ESRRG: variants seen among roughly 807,000 people sequenced by gnomAD.
ESRRG encodes the protein estrogen-related receptor gamma.
ESRRG carries 13 observed loss-of-function variants against 44.0 expected under a neutral mutation model. The observed-to-expected ratio is 0.30, with a 90% CI of 0.19 to 0.47. ESRRG has a LOEUF of 0.47. Among genes scored for constraint, ESRRG ranks in the 20% least tolerant of loss-of-function variants. The pLI is 1.00. For synonymous variants in ESRRG, 215 were observed against 214.6 expected (o/e 1.00, Z -0.02); for missense variants, 395 against 580.6 (o/e 0.68, Z 3.29).
chr1:216,972,962 C>T lies in ESRRG; in HGVS notation c.-105-33289G>A, dbSNP rs12095308. Among the ~76,000 whole-genome samples the T allele has an allele frequency of 3.4e-3, 517 of 152,238 alleles. 3 individuals carry two copies. Among genetic ancestry groups the T allele is most frequent in the African/African-American group, 0.012 (496 of 41,530 alleles). On this transcript the variant is annotated intron_variant, in intron 1 of 7. Transcript: ENST00000359162. The stretch of plus-strand genomic sequence containing the variant: ...CTCTTTTACCCTACATCTAAACCAT[C>T]GCCAGATCCTGTTGGCACTACCTTT...
rs2090973845 is a variant in ESRRG at position 216,743,211 on chromosome 1, A to T, written c.-13-65720T>A. On this transcript the variant is annotated intron_variant, in intron 2 of 7. Coordinates refer to the ESRRG transcript ENST00000359162. ...CTTTTCAACAATAGCATACAATGGA[A>T]ATGTATTTATTTGCTAAGCCTGAGA... Among the ~76,000 whole-genome samples, 4 of 152,280 alleles carry T rather than the reference A, an allele frequency of 2.6e-5. No homozygotes were observed. The South Asian group carries it at 8.3e-4, about 32-fold the overall frequency.
intron 2 of ESRRG, among the ~76,000 whole-genome samples, chr1:216,828,452 G>A (rs1483378025): frequency 1.3e-5 from 2 of 152,248 alleles, no homozygotes; most frequent in Admixed American, 1.3e-4. Context: ...GCCTGGTGGA[G>A]ATGCCAACAG....
chr1:216,744,704 G>C (rs1016126147), intron 2 of ESRRG, among the ~76,000 whole-genome samples: 8 of 152,120 alleles, frequency 5.3e-5, no homozygotes, highest in Non-Finnish European at 1.0e-4. Context: ...TTACCTATGA[G>C]TAGTCTCTTT....
intron 1 of ESRRG, among the ~76,000 whole-genome samples, chr1:216,974,272 G>A (rs1302725296): frequency 6.6e-6 from 1 of 152,114 alleles, no homozygotes; most frequent in East Asian, 1.9e-4. Context: ...TGAAGTGACA[G>A]ACATCCCAAT....
At chr1:216,976,669 G>C (rs1259390075) in intron 1 of ESRRG, among the ~76,000 whole-genome samples, 1 of 152,054 alleles carries the variant, frequency 6.6e-6, no homozygotes, top group African/African-American at 2.4e-5. Context: ...AGCAATGGTA[G>C]CAATTTTTAT....
intron 5 of ESRRG, among the ~76,000 whole-genome samples, chr1:216,533,199 C>T (rs11117611): frequency 0.3 from 45,878 of 151,732 alleles, 7,400 homozygotes; most frequent in Non-Finnish European, 0.36. Flanking sequence ...TTAAATGTAG[C>T]AAATTCCTAG....
intron 1 of ESRRG, among the ~76,000 whole-genome samples, chr1:217,136,656 T>G (rs1187737544): frequency 2.0e-5 from 3 of 152,328 alleles, no homozygotes; most frequent in African/African-American, 7.2e-5. Context: ...CTGAGATTCC[T>G]GAACACAACT....
At chr1:216,590,739 A>C (rs917408641) in intron 3 of ESRRG, among the ~76,000 whole-genome samples, 17 of 152,204 alleles carry the variant, frequency 1.1e-4, no homozygotes, top group African/African-American at 4.1e-4. Context: ...GTAATCAACT[A>C]CAAACCCGGT....
At chr1:217,125,989 C>T (rs1043814458) in intron 1 of ESRRG, among the ~76,000 whole-genome samples, 2 of 152,134 alleles carry the variant, frequency 1.3e-5, no homozygotes, top group Admixed American at 1.3e-4. Context: ...ACATTTTACA[C>T]AAATAACCCA....
chr1:216,700,079 T>C (rs905243358), intron 1 of ESRRG, among the ~76,000 whole-genome samples: 10 of 151,640 alleles, frequency 6.6e-5, no homozygotes, highest in African/African-American at 2.4e-4. Flanking sequence ...CAACATCTAC[T>C]ACCTCATCTC....
chr1:216,821,791 A>G (rs930660355), intron 2 of ESRRG, among the ~76,000 whole-genome samples: 3 of 151,628 alleles, frequency 2.0e-5, no homozygotes, highest in Non-Finnish European at 4.4e-5. Flanking sequence ...TTTAAAAATG[A>G]AATTTCCTTA....
chr1:216,713,620 C>A (rs2084130540), intron 1 of ESRRG, among the ~76,000 whole-genome samples: 1 of 152,164 alleles, frequency 6.6e-6, no homozygotes, highest in Non-Finnish European at 1.5e-5. Context: ...AGAGAATGTA[C>A]AGCAGAGACG....
At position 216,569,190 on chromosome 1, in the gene ESRRG, G is replaced by GGGAAGGGAGAGGAAA. The variant is rs1553356429; in HGVS notation, c.590-1093_590-1092insTTTCCTCTCCCTTCC. On this transcript the variant is annotated intron_variant, in intron 3 of 6. Coordinates refer to ENST00000408911, the MANE Select transcript of ESRRG (RefSeq NM_001438.4). ...GGGAAGGGAAGGGAAGGGAAGGGAA[G>GGGAAGGGAGAGGAAA]GGAAAGGAAAGGAAAGGAAAGGAAA... 4.6e-4 allele frequency among the ~76,000 whole-genome samples: 25 copies of GGGAAGGGAGAGGAAA among 53,876 alleles called. 1 individual carries two copies. The highest frequency in any genetic ancestry group is 2.9e-3 in the African/African-American group (25 of 8,598). 35.3% of individuals were successfully genotyped at this position (53,876 alleles called of 152,430 possible). A position where few individuals can be genotyped will look rare whatever the true frequency, so the allele number is the denominator to read the frequency against.
At chr1:216,517,100 T>C (rs746204817) in intron 6 of ESRRG, among the ~76,000 whole-genome samples, 60 of 152,298 alleles carry the variant, frequency 3.9e-4, no homozygotes, top group Middle Eastern at 3.4e-3. Flanking sequence ...AATGATGGAA[T>C]CACCTGCAAG....
At chr1:217,100,566 T>A (rs830318) in intron 1 of ESRRG, among the ~76,000 whole-genome samples, 103,919 of 152,158 alleles carry the variant, frequency 0.68, 35,717 homozygotes, top group South Asian at 0.76. Flanking sequence ...TAAATACCTG[T>A]CACTGGGTAA....
At chr1:216,637,909 GCA>G (rs1344224141) in intron 3 of ESRRG, among the ~76,000 whole-genome samples, 1 of 151,650 alleles carries the variant, frequency 6.6e-6, no homozygotes, top group Non-Finnish European at 1.5e-5. Context: ...TATTTGTAAT[GCA>G]TATATGAAAG....
At chr1:216,844,858 G>C (rs2095715864) in intron 2 of ESRRG, among the ~76,000 whole-genome samples, 1 of 152,036 alleles carries the variant, frequency 6.6e-6, no homozygotes, top group Non-Finnish European at 1.5e-5. Context: ...TGTACAAGTA[G>C]GAACTTTGTT....
intron 1 of ESRRG, among the ~76,000 whole-genome samples, chr1:216,983,052 T>C (rs1178179676): frequency 8.1e-6 from 1 of 123,486 alleles, no homozygotes; most frequent in Non-Finnish European, 1.7e-5. Context: ...TTTTTTTTTT[T>C]AACTGTCTAA....
intron 1 of ESRRG, among the ~76,000 whole-genome samples, chr1:217,021,069 C>CACACACACAT (rs772598229): frequency 1.0e-3 from 153 of 151,582 alleles, no homozygotes; most frequent in African/African-American, 3.6e-3. Context: ...CACACACACA[C>CACACACACAT]ACACACATAC....
Sources: allele counts gnomAD v4.1 joint callset (sites outside exome capture counted in the v4.1 genomes callset), GRCh38; gene constraint gnomAD v4.1.1; transcripts MANE v1.5; gene names NCBI Gene and HGNC (gene_info 2026-07-23, HGNC 2026-07-21).